The following HAUS7 variants were observed in gnomAD, a reference collection of about 807,000 sequenced individuals.
HAUS7 encodes the protein HAUS augmin like complex subunit 7, also known as HAUS augmin-like complex subunit 7.
A neutral mutation model predicts 28.4 loss-of-function variants in HAUS7; 3 were observed. The ratio of observed to expected loss-of-function variants is 0.11; its 90% CI spans 0.05 to 0.27. HAUS7 has a LOEUF of 0.27. Ranked by LOEUF, HAUS7 falls within the 10% of genes least tolerant of loss-of-function variation. HAUS7 has a pLI of 1.00. For missense variants in HAUS7, 284 were observed against 297.3 expected (o/e 0.96, Z 0.33); for synonymous variants, 165 against 132.1 (o/e 1.25, Z -1.71).
chrX:153,481,727 C>T (rs889979427), intron 1 of HAUS7: 75 of 730,838 alleles, frequency 1.0e-4, no homozygotes, highest in Non-Finnish European at 1.2e-4. Context: ...CCCTGGCTCC[C>T]CTGAGCAGCC....
At chrX:153,460,307 T>C (rs898361361) in intron 4 of HAUS7, among the ~76,000 whole-genome samples, 4 of 111,330 alleles carry the variant, frequency 3.6e-5, no homozygotes, top group Admixed American at 9.6e-5. Context: ...GTGATGAAAA[T>C]GTTGTGGAAC....
rs782355374 is a variant in HAUS7 at position 153,486,766 on chromosome X, A to C, written c.-589+8608T>G. ...CTTCTCCTGCACCCGAGCCTATCAC[A>C]GCGTGGTCCTCCAGCCCCAGCGGCG... On this transcript the variant is annotated intron_variant, in intron 1 of 5. Coordinates refer to the HAUS7 transcript ENST00000370210. 73 of 981,163 alleles carry C rather than the reference A, an allele frequency of 7.4e-5. 3 individuals carry two copies. In the Middle Eastern group the frequency reaches 8.9e-4, roughly 12 times the overall value. 80.9% of individuals were successfully genotyped at this position (981,163 alleles called of 1,213,427 possible).
chrX:153,493,811 C>T (rs2089687368), intron 1 of HAUS7, among the ~76,000 whole-genome samples: 1 of 111,728 alleles, frequency 9.0e-6, no homozygotes, highest in African/African-American at 3.3e-5. Flanking sequence ...CCAGACCCCA[C>T]CCCCCGGTTG....
intron 1 of HAUS7, chrX:153,483,226 C>A: frequency 1.6e-6 from 1 of 637,514 alleles, no homozygotes; most frequent in Non-Finnish European, 1.9e-6. Context: ...AGAATGGGCA[C>A]AGCCAGAGTT....
chrX:153,483,328 C>A, intron 1 of HAUS7: 1 of 755,277 alleles, frequency 1.3e-6, no homozygotes, highest in African/African-American at 2.3e-5. Context: ...GCACCAACCT[C>A]ATCGAGGAGG....
intron 2 of HAUS7, among the ~76,000 whole-genome samples, chrX:153,465,312 CAAAAA>C (rs72146941): frequency 1.7e-5 from 1 of 57,189 alleles, no homozygotes; most frequent in Non-Finnish European, 3.2e-5. Flanking sequence ...TTCTCAAGAC[CAAAAA>C]AAAAAAAAAA....
At chrX:153,481,969 G>A (rs984233752) in intron 1 of HAUS7, 45 of 661,263 alleles carry the variant, frequency 6.8e-5, no homozygotes, top group Non-Finnish European at 8.1e-5. Context: ...CCGGGGCTGG[G>A]GCTGGGGCTG....
chrX:153,450,542 T>C (rs1477975062), intron 9 of HAUS7, among the ~76,000 whole-genome samples: 2 of 112,355 alleles, frequency 1.8e-5, no homozygotes, highest in Non-Finnish European at 3.8e-5. Flanking sequence ...ATCTCTCCAC[T>C]GTTGGTACCC....
intron 2 of HAUS7, among the ~76,000 whole-genome samples, chrX:153,465,602 C>T (rs2089446182): frequency 8.9e-6 from 1 of 112,817 alleles, no homozygotes; most frequent in Non-Finnish European, 1.9e-5. Flanking sequence ...TCACCTTGGG[C>T]ACGGTGAAGG....
intron 9 of HAUS7, among the ~76,000 whole-genome samples, chrX:153,454,076 G>A (rs1215337651): frequency 8.9e-6 from 1 of 111,814 alleles, no homozygotes; most frequent in Non-Finnish European, 1.9e-5. Context: ...GCTTCCCAAA[G>A]TGCTGGGATT....
At chrX:153,459,211 G>A (rs782192226) in intron 4 of HAUS7, among the ~76,000 whole-genome samples, 20 of 111,666 alleles carry the variant, frequency 1.8e-4, no homozygotes, top group Non-Finnish European at 2.6e-4. Context: ...ACGTCTATTC[G>A]GACACTTTGT....
intron 9 of HAUS7, among the ~76,000 whole-genome samples, chrX:153,451,328 G>A (rs1556981048): frequency 8.9e-6 from 1 of 112,802 alleles, no homozygotes; most frequent in South Asian, 3.6e-4. Flanking sequence ...AAGAATGATG[G>A]CATAGATTAT....
chrX:153,480,044 G>T (rs1481201198), intron 1 of HAUS7, among the ~76,000 whole-genome samples: 1 of 112,031 alleles, frequency 8.9e-6, no homozygotes, highest in African/African-American at 3.2e-5. Flanking sequence ...AATTGTGCCA[G>T]GTCGCAGCGA....
At chrX:153,491,479 G>A (rs886838808) in intron 1 of HAUS7, among the ~76,000 whole-genome samples, 3 of 112,567 alleles carry the variant, frequency 2.7e-5, no homozygotes, top group African/African-American at 6.5e-5. Context: ...AGATCCCTGC[G>A]CCCTGCCTCC....
chrX:153,470,148 C>CT (rs1172241032), intron 1 of HAUS7, among the ~76,000 whole-genome samples: 1 of 113,287 alleles, frequency 8.8e-6, no homozygotes, highest in Non-Finnish European at 1.9e-5. Flanking sequence ...AAGGCCAGGC[C>CT]TGGGTCCTCT....
intron 1 of HAUS7, among the ~76,000 whole-genome samples, chrX:153,492,311 G>A (rs782029056): frequency 1.8e-5 from 2 of 112,428 alleles, no homozygotes; most frequent in African/African-American, 3.2e-5. Context: ...GCCTGAGGAG[G>A]GGGGAGTGGG....
intron 9 of HAUS7, among the ~76,000 whole-genome samples, chrX:153,449,480 G>A (rs1430915653): frequency 2.7e-5 from 3 of 112,717 alleles, no homozygotes; most frequent in Admixed American, 9.3e-5. Flanking sequence ...TGTGTCCCTC[G>A]TGTGGCATCT....
intron 1 of HAUS7, among the ~76,000 whole-genome samples, chrX:153,478,358 C>T (rs1416009091): frequency 8.9e-6 from 1 of 112,268 alleles, no homozygotes; most frequent in African/African-American, 3.2e-5. Context: ...CTCCACCACA[C>T]GCCCCTCTGG....
intron 2 of HAUS7, among the ~76,000 whole-genome samples, chrX:153,465,378 AG>A (rs1190921572): frequency 1.9e-5 from 2 of 107,639 alleles, no homozygotes; most frequent in African/African-American, 6.7e-5. Context: ...GCCAGCACTC[AG>A]GGCTCTTTCT....
Sources: allele counts gnomAD v4.1 joint callset (sites outside exome capture counted in the v4.1 genomes callset), GRCh38; gene constraint gnomAD v4.1.1; transcripts MANE v1.5; gene names NCBI Gene and HGNC (gene_info 2026-07-23, HGNC 2026-07-21).